DMC1: variants seen among roughly 807,000 people sequenced by gnomAD.
DMC1 encodes the protein DNA meiotic recombinase 1.
DMC1 carries 27 observed loss-of-function variants against 50.1 expected under a neutral mutation model. That is an observed-to-expected ratio of 0.54 (90% confidence interval 0.40 to 0.74). DMC1 has a LOEUF of 0.74. Ranked by LOEUF, DMC1 falls within the 30% of genes least tolerant of loss-of-function variation. DMC1 has a pLI of 0.00. For synonymous variants in DMC1, 148 were observed against 136.1 expected (o/e 1.09, Z -0.61); for missense variants, 295 against 420.2 (o/e 0.70, Z 2.60).
At chr22:38,528,252 C>T (rs1027121694) in intron 12 of DMC1, among the ~76,000 whole-genome samples, 6 of 151,294 alleles carry the variant, frequency 4.0e-5, no homozygotes, top group African/African-American at 2.4e-5. Flanking sequence ...TTAGGAGATA[C>T]AGAGTTTCAT....
chr22:38,525,511 AAGAAT>A (rs1222375954), intron 12 of DMC1, among the ~76,000 whole-genome samples: 6 of 152,196 alleles, frequency 3.9e-5, no homozygotes, highest in Admixed American at 1.3e-4. Flanking sequence ...ATGTGCAAAA[AAGAAT>A]AGAGACAATT....
In DMC1 at chr22:38,556,599, G is replaced by A. The variant is rs142753721; in HGVS notation, c.327-1190C>T. 2.7e-3 allele frequency among the ~76,000 whole-genome samples: 404 copies of A among 152,296 alleles called. 1 individual carries two copies. The highest frequency in any genetic ancestry group is 9.4e-3 in the African/African-American group (389 of 41,560). ...GCATACATTTAATTGGTAGCCCAAT[G>A]TTGTAGTGCATTTAAAGCTCTGAAT... On this transcript the variant is annotated intron_variant, in intron 5 of 13. Transcript: ENST00000216024.
intron 1 of DMC1, chr22:38,568,513 G>C (rs549858340): frequency 1.0e-3 from 552 of 527,234 alleles, no homozygotes; most frequent in Admixed American, 3.2e-3. Flanking sequence ...AGATGCCTGA[G>C]GGGCAAATTG....
chr22:38,537,716 G>T (rs1268065419), intron 11 of DMC1, 64 bp from the exon 12 acceptor site: 1 of 1,295,632 alleles, frequency 7.7e-7, no homozygotes, highest in Non-Finnish European at 1.1e-6. Context: ...AAAGTTCATT[G>T]TTTAGATTTC....
chr22:38,537,083 C>T (rs745926172), intron 12 of DMC1, among the ~76,000 whole-genome samples: 8 of 152,066 alleles, frequency 5.3e-5, no homozygotes, highest in Non-Finnish European at 7.4e-5. Flanking sequence ...AACTCCTGAC[C>T]TCAGGTGATC....
chr22:38,553,096 C>CCTCAGCCTCCCA (rs1464411716), intron 6 of DMC1, among the ~76,000 whole-genome samples: 1 of 150,950 alleles, frequency 6.6e-6, no homozygotes, highest in Admixed American at 6.6e-5. Flanking sequence ...GATCCGCCCA[C>CCTCAGCCTCCCA]CTCAGCCTCC....
chr22:38,524,379 G>T (rs1159260536), intron 12 of DMC1, among the ~76,000 whole-genome samples: 1 of 151,856 alleles, frequency 6.6e-6, no homozygotes. Context: ...GCCACCGGTG[G>T]CCCTCCAGCC....
intron 5 of DMC1, among the ~76,000 whole-genome samples, chr22:38,559,381 C>T (rs1361050393): frequency 6.6e-6 from 1 of 151,832 alleles, no homozygotes; most frequent in Non-Finnish European, 1.5e-5. Context: ...GTTGGCCAGG[C>T]TGGTCTAGAA....
chr22:38,563,739 G>C (rs371171206), intron 4 of DMC1, among the ~76,000 whole-genome samples: 3 of 149,284 alleles, frequency 2.0e-5, no homozygotes, highest in African/African-American at 7.4e-5. Flanking sequence ...TCGCTCTGTC[G>C]CCCAGGCTGG....
At chr22:38,539,068 T>A (rs975492044) in intron 9 of DMC1, among the ~76,000 whole-genome samples, 3 of 152,102 alleles carry the variant, frequency 2.0e-5, no homozygotes, top group Non-Finnish European at 4.4e-5. Context: ...ATATTCTGCC[T>A]TAGCATGTAT....
chr22:38,511,006 T>A, the DMC1 span, among the ~76,000 whole-genome samples: 1 of 152,204 alleles, frequency 6.6e-6, no homozygotes. Flanking sequence ...TGGTGGCATG[T>A]GCCTATAGTC....
chr22:38,553,738 T>C (rs1326413492), intron 6 of DMC1, among the ~76,000 whole-genome samples: 1 of 151,086 alleles, frequency 6.6e-6, no homozygotes, highest in South Asian at 2.1e-4. Context: ...GCGGGCAGGC[T>C]GCATGAGCTC....
chr22:38,520,631 T>A (rs1190244908), intron 13 of DMC1, among the ~76,000 whole-genome samples: 2 of 152,114 alleles, frequency 1.3e-5, no homozygotes, highest in Non-Finnish European at 2.9e-5. Flanking sequence ...GTACTGGGAT[T>A]ACAGGCGTGA....
intron 8 of DMC1, among the ~76,000 whole-genome samples, chr22:38,540,662 T>C (rs2090270919): frequency 6.6e-6 from 1 of 152,194 alleles, no homozygotes; most frequent in Non-Finnish European, 1.5e-5. Context: ...TTCCCAGCCA[T>C]TTATATCCTA....
chr22:38,550,930 C>CAAA (rs60295497), intron 7 of DMC1, among the ~76,000 whole-genome samples: 1 of 57,748 alleles, frequency 1.7e-5, no homozygotes. Flanking sequence ...GACTCCATCT[C>CAAA]AAAAAAAAAA....
intron 4 of DMC1, among the ~76,000 whole-genome samples, chr22:38,564,614 T>C (rs2090562845): frequency 6.6e-6 from 1 of 152,168 alleles, no homozygotes; most frequent in Admixed American, 6.6e-5. Context: ...CCTGGCCTGA[T>C]ACCCGTCTCT....
chr22:38,520,067 C>T lies in DMC1; in HGVS notation c.976G>A (p.Ala326Thr), dbSNP rs1018819692. Residue 326 changes from alanine to threonine, a missense_variant, in exon 14 of 14, where the codon GCC becomes ACC. Transcript: ENST00000216024. ...CCTCCAGCAGTTATTGCGAAGGTGG[C>T]TTCATTTTCAGGCATCTCAGGACTA... is the stretch of plus-strand genomic sequence containing the variant. ...YDSPEMPENE[A>T]TFAITAGGIG... 23 of 1,613,260 alleles carry T rather than the reference C, an allele frequency of 1.4e-5. No individual in the cohort carries two copies. The highest frequency in any genetic ancestry group is 1.9e-5 in the Non-Finnish European group (22 of 1,179,524).
At chr22:38,536,064 T>A (rs1569158172) in intron 12 of DMC1, among the ~76,000 whole-genome samples, 2 of 151,248 alleles carry the variant, frequency 1.3e-5, no homozygotes, top group African/African-American at 4.8e-5. Flanking sequence ...CTTCTAAAAA[T>A]AAAAAAATTA....
intron 12 of DMC1, among the ~76,000 whole-genome samples, chr22:38,533,601 T>G (rs2090179466): frequency 6.6e-6 from 1 of 152,182 alleles, no homozygotes; most frequent in African/African-American, 2.4e-5. Flanking sequence ...TACCATATGA[T>G]GCATTGCTTC....
Sources: gnomAD v4.1 joint callset for allele counts (sites outside exome capture counted in the v4.1 genomes callset) on GRCh38, gnomAD v4.1.1 for gene constraint, MANE v1.5 for transcripts, NCBI Gene and HGNC (gene_info 2026-07-23, HGNC 2026-07-21) for gene names.